PTP4A1: variants seen among roughly 807,000 people sequenced by gnomAD.
PTP4A1 encodes protein tyrosine phosphatase 4A1, also known as protein tyrosine phosphatase type IVA 1.
A neutral mutation model predicts 20.5 loss-of-function variants in PTP4A1; 9 were observed. The ratio of observed to expected loss-of-function variants is 0.44; its 90% CI spans 0.26 to 0.77. The LOEUF is 0.77. PTP4A1 is among the 30% of genes least tolerant of loss of function. The probability of loss-of-function intolerance (pLI) is 0.19; values close to 1 mark genes in which losing one functional copy is unlikely to be tolerated. For missense variants in PTP4A1, 137 were observed against 218.8 expected, an observed-to-expected ratio of 0.63 and a Z score of 2.36; for synonymous variants, 78 against 67.4, an observed-to-expected ratio of 1.16 and a Z score of -0.77.
chr6:63,544,733 T>C (rs1252699175), intron 2 of PTP4A1, among the ~76,000 whole-genome samples: 1 of 152,176 alleles, frequency 6.6e-6, no homozygotes, highest in Non-Finnish European at 1.5e-5. Context: ...CATGATTAGA[T>C]TCAGGATACA....
chr6:63,553,384 T>C (rs1350147663), intron 3 of PTP4A1, among the ~76,000 whole-genome samples: 3 of 152,192 alleles, frequency 2.0e-5, no homozygotes, highest in South Asian at 4.1e-4. Flanking sequence ...ACAATTTTGG[T>C]CTCCATGACT....
Position 63,582,224 on chromosome 6 carries a change from TGA to T in PTP4A1, c.*2053_*2054del, listed in dbSNP as rs146224762. On this transcript the variant is annotated 3_prime_UTR_variant, in exon 6 of 6. Transcript: ENST00000626021. Reference sequence around the variant, plus strand: ...TTTTAAAGGAAATGCAGCCTAGTCTTGAGAACATAATTTTATATAATCAATTA... The same window carrying T: ...TTTTAAAGGAAATGCAGCCTAGTCTTGAACATAATTTTATATAATCAATTA... The T allele has an allele frequency of 0.088, 13,439 of 152,400 alleles. 630 individuals carry two copies. Among genetic ancestry groups the T allele is most frequent in the East Asian group, 0.16 (819 of 5,174 alleles). The allele number at this position is 152,400 out of a possible 1,614,324, so 9.4% of individuals were successfully genotyped here. A position where few individuals can be genotyped will look rare whatever the true frequency, so the allele number is the denominator to read the frequency against.
rs1050297466 is a variant in PTP4A1, at chr6:63,582,855, T to C, written c.*2681T>C. The C allele has an allele frequency of 6.6e-6, 1 of 152,252 alleles. No individual in the cohort carries two copies. The highest frequency in any genetic ancestry group is 1.5e-5 in the Non-Finnish European group (1 of 68,086). 9.4% of individuals were successfully genotyped at this position (152,252 alleles called of 1,614,324 possible). On this transcript the variant is annotated 3_prime_UTR_variant, in exon 6 of 6. Coordinates refer to ENST00000626021, the MANE Select transcript of PTP4A1 (RefSeq NM_003463.5). ...GGCATTGCTCTCCTATTCCCACGCCTTAACACAGCTCTATACCTAGAAGCA... is the reference window on the plus strand; with the variant it reads ...GGCATTGCTCTCCTATTCCCACGCCCTAACACAGCTCTATACCTAGAAGCA...
At chr6:63,558,665 C>A (rs1399273639) in intron 3 of PTP4A1, among the ~76,000 whole-genome samples, 1 of 152,184 alleles carries the variant, frequency 6.6e-6, no homozygotes, top group Non-Finnish European at 1.5e-5. Flanking sequence ...GGAAGCACAT[C>A]TTAGGGTCAT....
chr6:63,572,927 G>A (rs986455008), intron 1 of PTP4A1, among the ~76,000 whole-genome samples: 1 of 152,168 alleles, frequency 6.6e-6, no homozygotes, highest in Non-Finnish European at 1.5e-5. Flanking sequence ...GGGCCCCTCG[G>A]GGCTGCGGGG....
chr6:63,576,312 A>T (rs1777863625), intron 1 of PTP4A1, 124 bp from the exon 2 acceptor site: 1 of 390,304 alleles, frequency 2.6e-6, no homozygotes, highest in Middle Eastern at 6.4e-4. Context: ...GTAAAAGTCG[A>T]TGAAGCGGCT....
chr6:63,579,470 AC>A, intron 5 of PTP4A1, 139 bp downstream of exon 5: 1 of 584,178 alleles, frequency 1.7e-6, no homozygotes, highest in Non-Finnish European at 2.8e-6. Flanking sequence ...TCAAGATCTT[AC>A]ATTCTTTTTT....
intron 2 of PTP4A1, among the ~76,000 whole-genome samples, chr6:63,545,803 C>A (rs1776157419): frequency 6.6e-6 from 1 of 151,908 alleles, no homozygotes; most frequent in Non-Finnish European, 1.5e-5. Context: ...TCTAGCTTTC[C>A]CATGTTCCAT....
chr6:63,548,341 G>T (rs1776292483), intron 2 of PTP4A1, among the ~76,000 whole-genome samples: 1 of 152,170 alleles, frequency 6.6e-6, no homozygotes, highest in Non-Finnish European at 1.5e-5. Context: ...TCTACCTCAT[G>T]GGTTTGTTGT....
intron 5 of PTP4A1, 138 bp from the exon 6 acceptor site, chr6:63,579,919 T>C (rs769584356): frequency 2.4e-4 from 158 of 666,732 alleles, no homozygotes; most frequent in South Asian, 7.3e-4. Context: ...CCTGTTCATA[T>C]TCCTTTCTGC....
chr6:63,566,037 A>ACATGCATTTTTGG (rs1777177440), intron 3 of PTP4A1, among the ~76,000 whole-genome samples: 1 of 152,238 alleles, frequency 6.6e-6, no homozygotes, highest in Non-Finnish European at 1.5e-5. Context: ...TTGGTTTCCC[A>ACATGCATTTTTGG]TTTACACTAC....
chr6:63,578,360 GATGATCAGAATATAAA>G, intron 2 of PTP4A1, 61 bp from the exon 3 acceptor site: 1 of 1,450,540 alleles, frequency 6.9e-7, no homozygotes, highest in Non-Finnish European at 9.2e-7. Flanking sequence ...ACTGATCAGA[GATGATCAGAATATAAA>G]ATGTTGAGTT....
intron 2 of PTP4A1, among the ~76,000 whole-genome samples, chr6:63,528,573 C>A (rs1476563086): frequency 1.3e-5 from 2 of 151,624 alleles, no homozygotes; most frequent in Admixed American, 1.3e-4. Context: ...AAAAATATAA[C>A]AAAACAAATT....
At chr6:63,524,932 T>A (rs1006666419) in intron 1 of PTP4A1, among the ~76,000 whole-genome samples, 3 of 152,218 alleles carry the variant, frequency 2.0e-5, no homozygotes, top group African/African-American at 4.8e-5. Context: ...CATATAAGCA[T>A]TTTTTATGAA....
chr6:63,547,093 A>G (rs1776224504), intron 2 of PTP4A1, among the ~76,000 whole-genome samples: 1 of 151,898 alleles, frequency 6.6e-6, no homozygotes, highest in Non-Finnish European at 1.5e-5. Context: ...CACAGGCACC[A>G]TTTTGGCTCT....
At chr6:63,579,772 A>G (rs1778102866) in intron 5 of PTP4A1, among the ~76,000 whole-genome samples, 1 of 152,194 alleles carries the variant, frequency 6.6e-6, no homozygotes, top group Admixed American at 6.5e-5. Context: ...GCAACTTCTG[A>G]CTTCACTATA....
chr6:63,562,343 G>T (rs1162500181), intron 3 of PTP4A1, among the ~76,000 whole-genome samples: 1 of 151,872 alleles, frequency 6.6e-6, no homozygotes, highest in African/African-American at 2.4e-5. Flanking sequence ...GGGATTACAG[G>T]CATGTGCCAC....
At chr6:63,529,938 A>C (rs1273833091) in intron 2 of PTP4A1, among the ~76,000 whole-genome samples, 1 of 152,208 alleles carries the variant, frequency 6.6e-6, no homozygotes, top group Non-Finnish European at 1.5e-5. Context: ...ATATTTTGCC[A>C]TTACAAATAG....
At chr6:63,524,431 C>G (rs888425171) in intron 1 of PTP4A1, among the ~76,000 whole-genome samples, 1 of 152,078 alleles carries the variant, frequency 6.6e-6, no homozygotes, top group African/African-American at 2.4e-5. Context: ...TCTAAGAGGA[C>G]ATCAATTTGG....
Sources: gnomAD v4.1 joint callset for allele counts (sites outside exome capture counted in the v4.1 genomes callset) on GRCh38, gnomAD v4.1.1 for gene constraint, MANE v1.5 for transcripts, NCBI Gene and HGNC (gene_info 2026-07-23, HGNC 2026-07-21) for gene names.